The following KCNIP4 variants were observed in gnomAD, a reference collection of about 807,000 sequenced individuals.
The protein encoded by KCNIP4 is Kv channel-interacting protein 4.
Under a neutral mutation model 34.0 loss-of-function variants are expected in KCNIP4, and 12 were observed. That is an observed-to-expected ratio of 0.35 (90% CI 0.23 to 0.57). The LOEUF (loss-of-function observed/expected upper bound fraction) is 0.57, where lower values mean the gene tolerates loss of function less well. Ranked by LOEUF, KCNIP4 falls within the 20% of genes least tolerant of loss-of-function variation. The pLI is 0.83. For missense variants in KCNIP4, 238 were observed against 311.7 expected (o/e 0.76, Z 1.78); for synonymous variants, 124 against 102.2 (o/e 1.21, Z -1.29).
chr4:20,803,719 GA>G (rs1165362122), intron 3 of KCNIP4, among the ~76,000 whole-genome samples: 44 of 114,954 alleles, frequency 3.8e-4, no homozygotes, highest in South Asian at 3.4e-3. Flanking sequence ...GAGAGAGAGA[GA>G]GAGAGAGAGG....
chr4:21,059,093 C>T (rs900022224), intron 1 of KCNIP4, among the ~76,000 whole-genome samples: 1 of 152,092 alleles, frequency 6.6e-6, no homozygotes, highest in Non-Finnish European at 1.5e-5. Flanking sequence ...GATTGTGAGG[C>T]CTCCCCAGCC....
chr4:21,306,119 A>G (rs1376614300), intron 1 of KCNIP4, among the ~76,000 whole-genome samples: 2 of 152,206 alleles, frequency 1.3e-5, no homozygotes, highest in Non-Finnish European at 2.9e-5. Flanking sequence ...TCCTTCCTAG[A>G]CATTCTAAAA....
At chr4:21,941,452 G>A (rs897824417) in intron 1 of KCNIP4, among the ~76,000 whole-genome samples, 4 of 151,168 alleles carry the variant, frequency 2.6e-5, no homozygotes, top group African/African-American at 9.7e-5. Context: ...TCTGGAGATG[G>A]AAGTCTATTT....
At chr4:21,359,580 G>C (rs1719009296) in intron 1 of KCNIP4, among the ~76,000 whole-genome samples, 1 of 151,890 alleles carries the variant, frequency 6.6e-6, no homozygotes, top group Admixed American at 6.6e-5. Flanking sequence ...TTCTCTTTTT[G>C]GATATTAAAA....
At chr4:20,992,493 C>T (rs755868902) in intron 1 of KCNIP4, among the ~76,000 whole-genome samples, 5 of 152,106 alleles carry the variant, frequency 3.3e-5, no homozygotes, top group Non-Finnish European at 7.4e-5. Context: ...CAAACCATAT[C>T]AAGATTATAT....
chr4:21,462,422 T>A (rs1489044537), intron 1 of KCNIP4, among the ~76,000 whole-genome samples: 1 of 152,098 alleles, frequency 6.6e-6, no homozygotes, highest in Non-Finnish European at 1.5e-5. Flanking sequence ...TCAGATCTCA[T>A]GAGACTTACT....
intron 1 of KCNIP4, among the ~76,000 whole-genome samples, chr4:21,622,452 T>G (rs2109180274): frequency 6.6e-6 from 1 of 152,330 alleles, no homozygotes; most frequent in African/African-American, 2.4e-5. Flanking sequence ...GCAAAATCTC[T>G]TATTCCCCAG....
At chr4:21,767,264 C>T (rs16871879) in intron 1 of KCNIP4, among the ~76,000 whole-genome samples, 22,515 of 151,960 alleles carry the variant, frequency 0.15, 5,609 homozygotes, top group African/African-American at 0.51. Flanking sequence ...CTTGAAATGC[C>T]TTGTTGAGAG....
chr4:21,320,776 G>A (rs575111756), intron 1 of KCNIP4, among the ~76,000 whole-genome samples: 1 of 152,066 alleles, frequency 6.6e-6, no homozygotes, highest in South Asian at 2.1e-4. Context: ...TTTCAGACCA[G>A]CCTGGCCAAC....
At chr4:20,805,059 A>C (rs1560478274) in intron 3 of KCNIP4, among the ~76,000 whole-genome samples, 1 of 152,110 alleles carries the variant, frequency 6.6e-6, no homozygotes, top group Non-Finnish European at 1.5e-5. Context: ...CTTGCTGACA[A>C]GTAGGTAGTG....
intron 1 of KCNIP4, among the ~76,000 whole-genome samples, chr4:21,326,964 T>G (rs1715139730): frequency 6.6e-6 from 1 of 152,032 alleles, no homozygotes; most frequent in African/African-American, 2.4e-5. Flanking sequence ...TTTTAAACTT[T>G]TTGTTGTTTC....
chr4:21,578,264 C>T (rs147950445), intron 1 of KCNIP4, among the ~76,000 whole-genome samples: 3,562 of 130,952 alleles, frequency 0.027, 158 homozygotes, highest in African/African-American at 0.094. Context: ...ACCCGGGAGG[C>T]GGACGTTGCA....
chr4:21,155,873 T>G (rs1264705758), intron 1 of KCNIP4, among the ~76,000 whole-genome samples: 1 of 152,184 alleles, frequency 6.6e-6, no homozygotes, highest in Non-Finnish European at 1.5e-5. Flanking sequence ...TGTTTATAAC[T>G]ATTTTTGCTC....
intron 1 of KCNIP4, among the ~76,000 whole-genome samples, chr4:21,305,738 T>G (rs919197572): frequency 2.0e-5 from 3 of 152,232 alleles, no homozygotes; most frequent in Non-Finnish European, 2.9e-5. Flanking sequence ...AAACTCATTC[T>G]GGGCTTTTCC....
chr4:21,259,853 T>G (rs1443642748), intron 1 of KCNIP4, among the ~76,000 whole-genome samples: 1 of 150,632 alleles, frequency 6.6e-6, no homozygotes, highest in Non-Finnish European at 1.5e-5. Flanking sequence ...AACACTATCC[T>G]GCTGATTGAA....
chr4:21,008,789 G>A (rs1303217701), intron 1 of KCNIP4, among the ~76,000 whole-genome samples: 1 of 151,942 alleles, frequency 6.6e-6, no homozygotes, highest in Non-Finnish European at 1.5e-5. Context: ...CTCCCAGAGT[G>A]CTAGGATTAC....
intron 1 of KCNIP4, among the ~76,000 whole-genome samples, chr4:21,445,313 C>CAAGTT (rs1156847449): frequency 2.0e-5 from 3 of 152,184 alleles, no homozygotes; most frequent in Non-Finnish European, 2.9e-5. Flanking sequence ...CCTGCATTGC[C>CAAGTT]AAGTTAATCG....
chr4:21,348,929 T>A (rs1358582425), intron 1 of KCNIP4, among the ~76,000 whole-genome samples: 2 of 152,098 alleles, frequency 1.3e-5, no homozygotes, highest in African/African-American at 4.8e-5. Context: ...ATAGTTTGGT[T>A]GAAGCTGGCC....
intron 1 of KCNIP4, among the ~76,000 whole-genome samples, chr4:21,110,624 GTGTT>G (rs896556994): frequency 5.3e-5 from 8 of 152,146 alleles, no homozygotes; most frequent in African/African-American, 1.2e-4. Context: ...TTGTTGTTGT[GTGTT>G]TGTTTGTTTT....
Sources: gnomAD v4.1 joint callset for allele counts (sites outside exome capture counted in the v4.1 genomes callset) on GRCh38, gnomAD v4.1.1 for gene constraint, MANE v1.5 for transcripts, NCBI Gene and HGNC (gene_info 2026-07-23, HGNC 2026-07-21) for gene names.